SCN2A: variants seen among roughly 807,000 people sequenced by gnomAD.
SCN2A encodes the protein sodium channel protein type 2 subunit alpha.
A neutral mutation model predicts 188.7 loss-of-function variants in SCN2A; 20 were observed. The observed-to-expected ratio is 0.11, with a 90% confidence interval of 0.07 to 0.15. The LOEUF is 0.15. Among genes scored for constraint, SCN2A ranks in the 10% least tolerant of loss-of-function variants. The pLI, the probability that SCN2A is intolerant of heterozygous loss-of-function variation, is 1.00. For missense variants in SCN2A, 1,278 were observed against 2,445.0 expected (o/e 0.52, Z 10.07); for synonymous variants, 804 against 833.1 (o/e 0.97, Z 0.60).
chr2:165,290,204 A>G (rs986434461), intron 1 of SCN2A, among the ~76,000 whole-genome samples: 13 of 152,206 alleles, frequency 8.5e-5, no homozygotes, highest in South Asian at 8.3e-4. Flanking sequence ...AACATTTAGC[A>G]TTTCTTTGTA....
chr2:165,388,557 T>C, intron 26 of SCN2A, 72 bp from the exon 27 acceptor site: 2 of 1,598,602 alleles, frequency 1.3e-6, no homozygotes, highest in East Asian at 2.3e-5. Flanking sequence ...GTAAAACTAA[T>C]GTACTTATGT....
At chr2:165,288,495 C>A (rs1695955137) in intron 1 of SCN2A, among the ~76,000 whole-genome samples, 2 of 147,292 alleles carry the variant, frequency 1.4e-5, no homozygotes, top group Non-Finnish European at 3.0e-5. Context: ...TAAAAATAAA[C>A]TATAAAAAAT....
chr2:165,297,997 G>C (rs1166334576), intron 3 of SCN2A, among the ~76,000 whole-genome samples: 1 of 152,130 alleles, frequency 6.6e-6, no homozygotes, highest in East Asian at 1.9e-4. Flanking sequence ...GCCAGTCTTG[G>C]GAATGCCAAT....
intron 20 of SCN2A, chr2:165,370,766 T>C (rs1342474354): frequency 6.1e-6 from 1 of 162,812 alleles, no homozygotes; most frequent in African/African-American, 2.4e-5. Flanking sequence ...TTGTATGATA[T>C]AGAAGCAAAT....
chr2:165,352,584 G>T (rs6720894), intron 16 of SCN2A, among the ~76,000 whole-genome samples: 2 of 152,152 alleles, frequency 1.3e-5, no homozygotes, highest in East Asian at 1.9e-4. Context: ...CAAAATGCTC[G>T]GAAGTTCAAA....
chr2:165,296,460 T>G lies in SCN2A; in HGVS notation c.267+370T>G. 1.1e-5 allele frequency: 3 copies of G among 262,700 alleles called. No homozygotes were observed. In the South Asian group the frequency reaches 1.4e-4, roughly 12 times the overall value. The allele number at this position is 262,700 out of a possible 1,614,324, so 16.3% of individuals were successfully genotyped here. Reference sequence around the variant, plus strand: ...CTAGGAGTCTATTTAAATTTTATTTTTTATATTTGCAGGAGTAGTATCTAA... The same window carrying G: ...CTAGGAGTCTATTTAAATTTTATTTGTTATATTTGCAGGAGTAGTATCTAA... On this transcript the variant is annotated intron_variant, in intron 2 of 26. Coordinates refer to ENST00000375437, the MANE Select transcript of SCN2A (RefSeq NM_001040142.2).
intron 25 of SCN2A, among the ~76,000 whole-genome samples, chr2:165,384,389 A>G (rs1459061660): frequency 6.6e-6 from 1 of 152,164 alleles, no homozygotes; most frequent in Non-Finnish European, 1.5e-5. Flanking sequence ...CTTCAGAATT[A>G]TACATCTTGT....
At chr2:165,339,356 T>C (rs893825904) in intron 14 of SCN2A, among the ~76,000 whole-genome samples, 3 of 152,044 alleles carry the variant, frequency 2.0e-5, no homozygotes, top group Non-Finnish European at 4.4e-5. Flanking sequence ...GACAAATATG[T>C]CTATTTTTAC....
intron 11 of SCN2A, among the ~76,000 whole-genome samples, chr2:165,321,198 A>G (rs1302637715): frequency 6.6e-6 from 1 of 152,150 alleles, no homozygotes; most frequent in African/African-American, 2.4e-5. Flanking sequence ...ATATAACAAG[A>G]GTCACCTTTG....
intron 23 of SCN2A, among the ~76,000 whole-genome samples, chr2:165,378,256 C>T (rs1168397528): frequency 6.8e-6 from 1 of 146,356 alleles, no homozygotes; most frequent in Non-Finnish European, 1.5e-5. Context: ...TATGCCAGAG[C>T]ATGATAATAA....
In SCN2A at chr2:165,317,330, AT is replaced by A. The variant is rs1346720540; in HGVS notation, c.1671+1574del. On this transcript the variant is annotated intron_variant, in intron 11 of 26. Coordinates refer to ENST00000375437, the MANE Select transcript of SCN2A (RefSeq NM_001040142.2). Reference sequence around the variant, plus strand: ...AAACCCCCTGTTTACAGTATTAGTCATTCTGAAAAGGAAGGAAGAAAAAGAA... The same window carrying A: ...AAACCCCCTGTTTACAGTATTAGTCATCTGAAAAGGAAGGAAGAAAAAGAA... Among the ~76,000 whole-genome samples, 11 of 141,534 alleles carry A rather than the reference AT, an allele frequency of 7.8e-5. No homozygotes were observed. The Middle Eastern group carries it at 0.025, about 317-fold the overall frequency. 92.9% of individuals were successfully genotyped at this position (141,534 alleles called of 152,430 possible). A position where few individuals can be genotyped will look rare whatever the true frequency, so the allele number is the denominator to read the frequency against.
chr2:165,288,724 A>G (rs1466191109), intron 1 of SCN2A, among the ~76,000 whole-genome samples: 1 of 111,238 alleles, frequency 9.0e-6, no homozygotes, highest in African/African-American at 2.9e-5. Context: ...AGAGAAGGAT[A>G]CATATACATG....
intron 11 of SCN2A, among the ~76,000 whole-genome samples, chr2:165,319,858 G>A (rs2105269372): frequency 6.6e-6 from 1 of 152,228 alleles, no homozygotes; most frequent in East Asian, 1.9e-4. Context: ...GATCTGGGTG[G>A]GGACACAGAG....
intron 20 of SCN2A, 96 bp downstream of exon 20, chr2:165,370,395 A>G (rs1700964442): frequency 8.6e-7 from 1 of 1,163,014 alleles, no homozygotes; most frequent in Non-Finnish European, 1.3e-6. Context: ...GTAACACTGT[A>G]TCAGCCCAAA....
At chr2:165,249,607 T>C (rs771265889) in intron 1 of SCN2A, among the ~76,000 whole-genome samples, 5 of 152,048 alleles carry the variant, frequency 3.3e-5, no homozygotes, top group Non-Finnish European at 4.4e-5. Context: ...ATTGACCTCA[T>C]CGTTTTGTGT....
At chr2:165,259,713 C>G (rs1026502109) in intron 1 of SCN2A, among the ~76,000 whole-genome samples, 1 of 152,080 alleles carries the variant, frequency 6.6e-6, no homozygotes, top group African/African-American at 2.4e-5. Flanking sequence ...CAGTTACTTC[C>G]TCCACCGAAT....
At chr2:165,329,694 C>A (rs1034577913) in intron 13 of SCN2A, among the ~76,000 whole-genome samples, 1 of 152,044 alleles carries the variant, frequency 6.6e-6, no homozygotes, top group African/African-American at 2.4e-5. Context: ...TGGCAGTATA[C>A]AGACAAAATT....
chr2:165,384,885 T>C (rs939168798), intron 25 of SCN2A, among the ~76,000 whole-genome samples: 3 of 152,054 alleles, frequency 2.0e-5, no homozygotes, highest in African/African-American at 7.2e-5. Context: ...CCTAAGCTTC[T>C]AAGAGTGGTA....
intron 19 of SCN2A, 135 bp downstream of exon 19, chr2:165,367,506 CAT>C (rs2105360150): frequency 4.8e-6 from 5 of 1,045,888 alleles, no homozygotes; most frequent in Non-Finnish European, 7.2e-6. Flanking sequence ...GTGTTTAGCA[CAT>C]ATGAGAGGCT....
Sources: allele counts gnomAD v4.1 joint callset (sites outside exome capture counted in the v4.1 genomes callset), GRCh38; gene constraint gnomAD v4.1.1; transcripts MANE v1.5; gene names NCBI Gene and HGNC (gene_info 2026-07-23, HGNC 2026-07-21).